The following PEAK1 variants were observed in gnomAD, a reference collection of about 807,000 sequenced individuals.
The protein encoded by PEAK1 is pseudopodium enriched atypical kinase 1.
PEAK1 carries 54 observed loss-of-function variants against 124.7 expected under a neutral mutation model. That is an observed-to-expected ratio of 0.43 (90% confidence interval 0.35 to 0.54). The LOEUF is 0.54. Ranked by LOEUF, PEAK1 falls within the 20% of genes least tolerant of loss-of-function variation. The probability of loss-of-function intolerance (pLI) is 0.01; values close to 1 mark genes in which losing one functional copy is unlikely to be tolerated. For missense variants in PEAK1, 2,046 were observed against 2,134.5 expected (o/e 0.96, Z 0.82); for synonymous variants, 719 against 760.0 (o/e 0.95, Z 0.89).
intron 5 of PEAK1, among the ~76,000 whole-genome samples, chr15:77,271,310 G>C (rs1217379576): frequency 6.6e-6 from 1 of 152,154 alleles, no homozygotes; most frequent in Non-Finnish European, 1.5e-5. Flanking sequence ...TGGAGAAATA[G>C]GAACACTTTT....
At chr15:77,393,325 C>T (rs552939094) in intron 1 of PEAK1, among the ~76,000 whole-genome samples, 39 of 152,312 alleles carry the variant, frequency 2.6e-4, no homozygotes, top group Non-Finnish European at 3.7e-4. Flanking sequence ...CTCCACTCCC[C>T]ACACTGTCCC....
At chr15:77,293,773 T>C (rs1341746996) in intron 2 of PEAK1, among the ~76,000 whole-genome samples, 4 of 152,224 alleles carry the variant, frequency 2.6e-5, no homozygotes, top group Non-Finnish European at 1.5e-5. Flanking sequence ...TGAATTTCCA[T>C]TATAAGGAAG....
At chr15:77,383,019 CTTTTTTTTTT>C (rs752564656) in intron 1 of PEAK1, among the ~76,000 whole-genome samples, 7 of 130,414 alleles carry the variant, frequency 5.4e-5, no homozygotes, top group South Asian at 2.4e-4. Flanking sequence ...TTTGTATCTC[CTTTTTTTTTT>C]TTTTTTTTTT....
chr15:77,313,652 A>ATGTGTGTGTGTGTGTG (rs775220459), intron 2 of PEAK1, among the ~76,000 whole-genome samples: 7 of 90,602 alleles, frequency 7.7e-5, no homozygotes, highest in South Asian at 7.4e-4. Context: ...GTATGTATGT[A>ATGTGTGTGTGTGTGTG]TGTGTGTGTG....
intron 7 of PEAK1, among the ~76,000 whole-genome samples, chr15:77,171,481 A>T (rs538537127): frequency 1.3e-5 from 2 of 152,306 alleles, no homozygotes; most frequent in South Asian, 4.1e-4. Context: ...AAAAAAGTAG[A>T]TCTCATAGGA....
intron 6 of PEAK1, among the ~76,000 whole-genome samples, chr15:77,246,383 G>A (rs149905006): frequency 0.016 from 2,486 of 152,200 alleles, 36 homozygotes; most frequent in Middle Eastern, 0.041. Context: ...TATTGACTAA[G>A]CATGGTGGCT....
At chr15:77,243,659 T>A (rs2060452671) in intron 6 of PEAK1, among the ~76,000 whole-genome samples, 1 of 152,156 alleles carries the variant, frequency 6.6e-6, no homozygotes, top group Non-Finnish European at 1.5e-5. Flanking sequence ...CAAAGAGGGA[T>A]GAGAATGTGT....
chr15:77,205,743 G>A (rs1477736702), intron 6 of PEAK1, among the ~76,000 whole-genome samples: 3 of 152,200 alleles, frequency 2.0e-5, no homozygotes, highest in Non-Finnish European at 2.9e-5. Flanking sequence ...ATGCTTGATA[G>A]CCAGTACTTG....
At chr15:77,277,118 A>G (rs2062371657) in intron 5 of PEAK1, among the ~76,000 whole-genome samples, 1 of 152,200 alleles carries the variant, frequency 6.6e-6, no homozygotes, top group South Asian at 2.1e-4. Context: ...TGACACATCC[A>G]TACCATGGAA....
At chr15:77,296,117 A>G (rs2063473351) in intron 2 of PEAK1, among the ~76,000 whole-genome samples, 1 of 152,210 alleles carries the variant, frequency 6.6e-6, no homozygotes, top group Non-Finnish European at 1.5e-5. Flanking sequence ...AAAAACTAAA[A>G]AGAAGAGGGG....
At chr15:77,351,056 G>T in intron 2 of PEAK1, 1 of 563,956 alleles carries the variant, frequency 1.8e-6, no homozygotes, top group Non-Finnish European at 2.2e-6. Context: ...TGCCTTCAGA[G>T]GCAGAAGGCT....
chr15:77,254,136 T>C lies in PEAK1; in HGVS notation c.-274-1610A>G, dbSNP rs887910790. On this transcript the variant is annotated intron_variant, in intron 5 of 9. Transcript: ENST00000682557. Reference sequence around the variant, plus strand: ...CGCCTGGCCTATCTTTGGACTTTAGTAGTGCGACTATTATATGTCTAGATT... The same window carrying C: ...CGCCTGGCCTATCTTTGGACTTTAGCAGTGCGACTATTATATGTCTAGATT... 2.6e-5 allele frequency among the ~76,000 whole-genome samples: 4 copies of C among 152,172 alleles called. No individual in the cohort carries two copies. The East Asian group carries it at 7.7e-4, about 29-fold the overall frequency.
intron 5 of PEAK1, among the ~76,000 whole-genome samples, chr15:77,279,826 G>C (rs1401074759): frequency 6.6e-6 from 1 of 152,088 alleles, no homozygotes; most frequent in East Asian, 1.9e-4. Context: ...AATAAAGCTG[G>C]ATACAGTTTA....
At chr15:77,366,913 A>G (rs2068284058) in intron 1 of PEAK1, among the ~76,000 whole-genome samples, 1 of 152,178 alleles carries the variant, frequency 6.6e-6, no homozygotes. Flanking sequence ...AGGCAGGTGG[A>G]TCATGAGGTC....
intron 1 of PEAK1, among the ~76,000 whole-genome samples, chr15:77,400,890 G>A (rs1052681232): frequency 4.6e-5 from 7 of 151,924 alleles, no homozygotes; most frequent in South Asian, 2.1e-4. Context: ...GATATTATTC[G>A]TCTATCACTT....
chr15:77,329,331 G>A (rs2065765974), intron 2 of PEAK1, among the ~76,000 whole-genome samples: 1 of 152,108 alleles, frequency 6.6e-6, no homozygotes, highest in Non-Finnish European at 1.5e-5. Flanking sequence ...TGAAAGCAAG[G>A]ATTACTATTA....
At chr15:77,343,482 C>CTTT (rs60121928) in intron 2 of PEAK1, among the ~76,000 whole-genome samples, 4 of 97,950 alleles carry the variant, frequency 4.1e-5, no homozygotes, top group African/African-American at 1.2e-4. Flanking sequence ...GTCCAACTTA[C>CTTT]TTTTTTTTTT....
rs1006891872 is a variant in PEAK1 at position 77,111,599 on chromosome 15, A to G, written c.*2557T>C. On this transcript the variant is annotated 3_prime_UTR_variant, in exon 10 of 10. Transcript: ENST00000682557. ...CAAATCTGAATATAAAAACAGTACT[A>G]AAAACATCTGATATGAAGAGGTGCT... The G allele has an allele frequency of 2.6e-5, 4 of 152,196 alleles. No individual in the cohort carries two copies. The highest frequency in any genetic ancestry group is 2.0e-4 in the Admixed American group (3 of 15,268). 9.4% of individuals were successfully genotyped at this position (152,196 alleles called of 1,614,324 possible).
chr15:77,331,035 T>G (rs1157337443), intron 2 of PEAK1: 2 of 890,224 alleles, frequency 2.2e-6, no homozygotes, highest in African/African-American at 1.8e-5. Flanking sequence ...TGTCATTTAC[T>G]ATTAGCATTC....
Sources: allele counts gnomAD v4.1 joint callset (sites outside exome capture counted in the v4.1 genomes callset), GRCh38; gene constraint gnomAD v4.1.1; transcripts MANE v1.5; gene names NCBI Gene and HGNC (gene_info 2026-07-23, HGNC 2026-07-21).